Variants in RPS6KA5 observed in about 807,000 individuals in gnomAD.
RPS6KA5 encodes the protein ribosomal protein S6 kinase A5.
In RPS6KA5, 27 loss-of-function variants were observed where a neutral mutation model predicts 85.5. The ratio of observed to expected loss-of-function variants is 0.32; its 90% confidence interval spans 0.23 to 0.44. The LOEUF (loss-of-function observed/expected upper bound fraction) is 0.44, where lower values mean the gene tolerates loss of function less well. Ranked by LOEUF, RPS6KA5 falls within the 20% of genes least tolerant of loss-of-function variation. The pLI, the probability that RPS6KA5 is intolerant of heterozygous loss-of-function variation, is 1.00. For synonymous variants in RPS6KA5, 334 were observed against 348.2 expected (o/e 0.96, Z 0.46); for missense variants, 811 against 980.9 (o/e 0.83, Z 2.31).
intron 3 of RPS6KA5, among the ~76,000 whole-genome samples, chr14:90,959,672 G>C (rs1441327142): frequency 6.6e-6 from 1 of 152,202 alleles, no homozygotes; most frequent in Admixed American, 6.5e-5. Context: ...CCACCATCTT[G>C]TGGCCAGTTG....
intron 14 of RPS6KA5, among the ~76,000 whole-genome samples, chr14:90,883,001 T>C (rs1208318639): frequency 6.6e-6 from 1 of 152,110 alleles, no homozygotes; most frequent in Non-Finnish European, 1.5e-5. Context: ...TTTCACCATG[T>C]TGGCCAGGGT....
intron 3 of RPS6KA5, among the ~76,000 whole-genome samples, chr14:90,970,278 GTC>G (rs1393036083): frequency 6.6e-6 from 1 of 152,130 alleles, no homozygotes; most frequent in Non-Finnish European, 1.5e-5. Flanking sequence ...TTCAGTTACT[GTC>G]TGTTTCGTCA....
At chr14:91,032,787 GAA>G (rs34722618) in intron 1 of RPS6KA5, among the ~76,000 whole-genome samples, 3,493 of 148,620 alleles carry the variant, frequency 0.024, 101 homozygotes, top group African/African-American at 0.068. Context: ...AGAATTCATA[GAA>G]AAAAAAAAAG....
At chr14:90,896,536 T>C (rs553894263) in intron 12 of RPS6KA5, among the ~76,000 whole-genome samples, 1 of 152,108 alleles carries the variant, frequency 6.6e-6, no homozygotes, top group South Asian at 2.1e-4. Flanking sequence ...GATGTGAGAT[T>C]ATCCTGAATT....
intron 8 of RPS6KA5, among the ~76,000 whole-genome samples, chr14:90,904,439 C>T (rs1051666233): frequency 4.6e-5 from 7 of 152,006 alleles, no homozygotes; most frequent in Non-Finnish European, 7.4e-5. Context: ...AAACTGAGGC[C>T]GAGAAATAAG....
chr14:90,977,429 T>C (rs757240514), intron 3 of RPS6KA5, among the ~76,000 whole-genome samples: 5 of 152,166 alleles, frequency 3.3e-5, no homozygotes, highest in Non-Finnish European at 7.3e-5. Context: ...AAAGATCATA[T>C]ATAAAGGTCC....
Position 90,900,237 on chromosome 14 carries a change from G to C in RPS6KA5, c.1250C>G (p.Ser417Cys). 6.3e-7 allele frequency: 1 copy of C among 1,578,772 alleles called. No individual in the cohort carries two copies. Among genetic ancestry groups the C allele is most frequent in the Non-Finnish European group, 8.6e-7 (1 of 1,162,756 alleles). Residue 417 changes from serine (S) to cysteine (C), a missense_variant, in exon 11 of 17, where the codon TCT becomes TGT. Ser to Cys is a moderately radical substitution (Grantham distance 112, BLOSUM62 -1). Coordinates refer to ENST00000614987, the MANE Select transcript of RPS6KA5 (RefSeq NM_004755.4). ...NVARSAMMKDSPFYQHYDLDL... is the reference protein window; with the variant it reads ...NVARSAMMKDCPFYQHYDLDL... ...TAGGTCATAGTGTTGATAGAATGGA[G>C]AGTCCTGTCAAGAAATCAACATCAT...
At chr14:90,930,572 C>T (rs760189274) in intron 5 of RPS6KA5, among the ~76,000 whole-genome samples, 10 of 151,570 alleles carry the variant, frequency 6.6e-5, no homozygotes, top group Non-Finnish European at 8.8e-5. Context: ...TTCTGAATAT[C>T]GAAGGAAAGA....
chr14:90,974,358 G>A (rs1260583002), intron 3 of RPS6KA5, among the ~76,000 whole-genome samples: 1 of 152,216 alleles, frequency 6.6e-6, no homozygotes, highest in African/African-American at 2.4e-5. Context: ...ACAACCAAGT[G>A]AGCATTCCTG....
intron 3 of RPS6KA5, among the ~76,000 whole-genome samples, chr14:90,951,721 T>C (rs565989263): frequency 6.6e-6 from 1 of 152,292 alleles, no homozygotes; most frequent in South Asian, 2.1e-4. Flanking sequence ...AGGATCATCA[T>C]CCTATTTTGC....
chr14:90,873,048 T>C (rs1212345704), intron 16 of RPS6KA5, among the ~76,000 whole-genome samples: 1 of 151,902 alleles, frequency 6.6e-6, no homozygotes, highest in East Asian at 1.9e-4. Context: ...CTATACCTTC[T>C]CCTTTCTCAA....
chr14:91,007,154 T>G (rs1305846063), intron 1 of RPS6KA5, among the ~76,000 whole-genome samples: 1 of 152,232 alleles, frequency 6.6e-6, no homozygotes, highest in African/African-American at 2.4e-5. Flanking sequence ...TTTGTGGATG[T>G]CTGACTATAA....
At chr14:91,036,842 G>T (rs193135762) in intron 1 of RPS6KA5, among the ~76,000 whole-genome samples, 1 of 152,264 alleles carries the variant, frequency 6.6e-6, no homozygotes, top group Admixed American at 6.5e-5. Flanking sequence ...GCACTTCCAG[G>T]CTGCACATGC....
chr14:91,048,406 A>T (rs2042952386), intron 1 of RPS6KA5, among the ~76,000 whole-genome samples: 1 of 152,192 alleles, frequency 6.6e-6, no homozygotes, highest in Non-Finnish European at 1.5e-5. Flanking sequence ...GAAATAAAAT[A>T]ACTGCAATAC....
chr14:90,896,583 AG>A (rs2034845682), intron 12 of RPS6KA5, among the ~76,000 whole-genome samples: 4 of 152,272 alleles, frequency 2.6e-5, no homozygotes, highest in Middle Eastern at 3.4e-3. Context: ...GAGACCCTGG[AG>A]GCAAGATCTT....
chr14:91,007,624 C>T (rs1397297448), intron 1 of RPS6KA5, among the ~76,000 whole-genome samples: 3 of 152,036 alleles, frequency 2.0e-5, no homozygotes, highest in Non-Finnish European at 4.4e-5. Flanking sequence ...TTTGTGAAAT[C>T]CCCTCACAGG....
chr14:90,925,738 C>G (rs768759536), intron 5 of RPS6KA5, among the ~76,000 whole-genome samples: 1 of 151,216 alleles, frequency 6.6e-6, no homozygotes. Context: ...ATAAGACAGC[C>G]TGGGCAAGAT....
At position 90,864,942 on chromosome 14, in the gene RPS6KA5, C is replaced by T. The variant is rs957149197; in HGVS notation, c.*7132G>A. The T allele has an allele frequency of 6.6e-6, 1 of 152,234 alleles. No homozygotes were observed. Among genetic ancestry groups the T allele is most frequent in the South Asian group, 2.1e-4 (1 of 4,832 alleles). 9.4% of individuals were successfully genotyped at this position (152,234 alleles called of 1,614,324 possible). A position where few individuals can be genotyped will look rare whatever the true frequency, so the allele number is the denominator to read the frequency against. ...ATGAGGATGTGGAAGAACTAGAACA[C>T]TTACACATTATTGGTGGGTATGTAA... On this transcript the variant is annotated 3_prime_UTR_variant, in exon 17 of 17. Coordinates refer to ENST00000614987, the MANE Select transcript of RPS6KA5 (RefSeq NM_004755.4).
chr14:90,876,998 A>T (rs2033523376), intron 14 of RPS6KA5, among the ~76,000 whole-genome samples: 2 of 152,230 alleles, frequency 1.3e-5, no homozygotes, highest in Admixed American at 6.5e-5. Flanking sequence ...TAAAAATAAC[A>T]TAAAAAGGAC....
Sources: allele counts gnomAD v4.1 joint callset (sites outside exome capture counted in the v4.1 genomes callset), GRCh38; gene constraint gnomAD v4.1.1; transcripts MANE v1.5; gene names NCBI Gene and HGNC (gene_info 2026-07-23, HGNC 2026-07-21).